RBPJ: variants seen among roughly 807,000 people sequenced by gnomAD.
RBPJ encodes recombination signal binding protein for immunoglobulin kappa J region, also known as recombining binding protein suppressor of hairless.
RBPJ carries 9 observed loss-of-function variants against 67.8 expected under a neutral mutation model. That is an observed-to-expected ratio of 0.13 (90% CI 0.08 to 0.23). The LOEUF is 0.23. RBPJ is among the 10% of genes least tolerant of loss of function. The probability of loss-of-function intolerance (pLI) is 1.00; values close to 1 mark genes in which losing one functional copy is unlikely to be tolerated. For missense variants in RBPJ, 305 were observed against 595.6 expected (o/e 0.51, Z 5.08); for synonymous variants, 198 against 203.3 (o/e 0.97, Z 0.22).
At chr4:26,320,573 G>A (rs1722909169), upstream of RBPJ, 2 of 573,146 alleles carry the variant, frequency 3.5e-6, no homozygotes, top group Non-Finnish European at 6.0e-6. Flanking sequence ...ACCCATTGAG[G>A]AGGTGTTTCA....
At chr4:26,226,789 T>C (rs537528912) in intron 1 of RBPJ, among the ~76,000 whole-genome samples, 3 of 152,318 alleles carry the variant, frequency 2.0e-5, no homozygotes, top group African/African-American at 7.2e-5. Flanking sequence ...AGGGTTACCA[T>C]GGATACCACA....
chr4:26,275,875 C>T (rs1721062316), intron 1 of RBPJ, among the ~76,000 whole-genome samples: 1 of 151,978 alleles, frequency 6.6e-6, no homozygotes, highest in Admixed American at 6.5e-5. Flanking sequence ...CTCTGCCCAC[C>T]TCGGCCTCCC....
At chr4:26,178,326 C>A (rs758500842) in intron 1 of RBPJ, among the ~76,000 whole-genome samples, 1 of 152,202 alleles carries the variant, frequency 6.6e-6, no homozygotes, top group Non-Finnish European at 1.5e-5. Context: ...ATGGAGGGGG[C>A]TCCAGTGCTG....
chr4:26,373,342 G>C (rs1729354472), intron 1 of RBPJ, among the ~76,000 whole-genome samples: 1 of 152,148 alleles, frequency 6.6e-6, no homozygotes, highest in Admixed American at 6.5e-5. Flanking sequence ...TTAGGGGCAG[G>C]CTTCTCTGAA....
chr4:26,237,451 A>G (rs1185077473), intron 1 of RBPJ, among the ~76,000 whole-genome samples: 1 of 152,154 alleles, frequency 6.6e-6, no homozygotes, highest in Non-Finnish European at 1.5e-5. Context: ...TAAAGACTCT[A>G]GGAAGTCCTA....
the RBPJ span, among the ~76,000 whole-genome samples, chr4:26,140,829 T>C: frequency 0.18 from 17,363 of 95,120 alleles, 1,401 homozygotes; most frequent in African/African-American, 0.32. Flanking sequence ...ACACTGACCC[T>C]TCCACAAATA....
At chr4:26,160,682 C>T (rs1050410031), upstream of RBPJ, among the ~76,000 whole-genome samples, 1 of 152,216 alleles carries the variant, frequency 6.6e-6, no homozygotes, top group African/African-American at 2.4e-5. Flanking sequence ...TAGAACAAGA[C>T]TGATTTCCAG....
chr4:26,159,620 C>A (rs1386931074), upstream of RBPJ, among the ~76,000 whole-genome samples: 2 of 152,180 alleles, frequency 1.3e-5, no homozygotes, highest in African/African-American at 4.8e-5. Flanking sequence ...GTGCAGGACA[C>A]CTTAGAACCT....
At chr4:26,305,673 AT>A (rs1405829257) in intron 1 of RBPJ, among the ~76,000 whole-genome samples, 4 of 150,824 alleles carry the variant, frequency 2.7e-5, no homozygotes, top group South Asian at 2.1e-4. Context: ...ATAGAATACA[AT>A]TTTTTTATAT....
intron 1 of RBPJ, among the ~76,000 whole-genome samples, chr4:26,257,413 G>A (rs373780691): frequency 4.6e-5 from 7 of 152,150 alleles, no homozygotes; most frequent in Admixed American, 6.6e-5. Flanking sequence ...GTGGATCACC[G>A]GAAGTTGGAA....
At chr4:26,140,834 C>CAAATAAATAAATAAAT in the RBPJ span, among the ~76,000 whole-genome samples, 14,561 of 138,212 alleles carry the variant, frequency 0.11, 1,071 homozygotes, top group African/African-American at 0.18. Context: ...GACCCTTCCA[C>CAAATAAATAAATAAAT]AAATAAATAA....
chr4:26,245,269 T>C (rs942666014), intron 1 of RBPJ, among the ~76,000 whole-genome samples: 1 of 143,472 alleles, frequency 7.0e-6, no homozygotes, highest in African/African-American at 2.6e-5. Flanking sequence ...AGTCCAGTGG[T>C]GCAATCTCAG....
chr4:26,212,501 A>G (rs933246489), intron 1 of RBPJ, among the ~76,000 whole-genome samples: 5 of 137,956 alleles, frequency 3.6e-5, no homozygotes, highest in African/African-American at 1.4e-4. Context: ...CAGTGGTGCA[A>G]TCTTGGCTCA....
chr4:26,265,793 C>T (rs927469474), intron 1 of RBPJ, among the ~76,000 whole-genome samples: 9 of 152,084 alleles, frequency 5.9e-5, no homozygotes, highest in African/African-American at 2.2e-4. Flanking sequence ...AATCCCAGCA[C>T]TTTGGGAGGC....
chr4:26,174,593 C>T (rs1403748706), intron 1 of RBPJ, among the ~76,000 whole-genome samples: 1 of 152,174 alleles, frequency 6.6e-6, no homozygotes, highest in African/African-American at 2.4e-5. Context: ...CCTCAGCCTC[C>T]TGAGTAGCTG....
intron 1 of RBPJ, among the ~76,000 whole-genome samples, chr4:26,370,202 T>C (rs1345773829): frequency 1.3e-5 from 2 of 152,124 alleles, no homozygotes; most frequent in African/African-American, 4.8e-5. Flanking sequence ...AACCAAAACA[T>C]TGATAAATAA....
chr4:26,221,291 C>T (rs1044357957), intron 1 of RBPJ, among the ~76,000 whole-genome samples: 1 of 152,106 alleles, frequency 6.6e-6, no homozygotes, highest in Non-Finnish European at 1.5e-5. Flanking sequence ...GGGGTTTCAC[C>T]GTGTTAGCCA....
chr4:26,351,855 GT>G, intron 1 of RBPJ, among the ~76,000 whole-genome samples: 1 of 152,184 alleles, frequency 6.6e-6, no homozygotes, highest in Non-Finnish European at 1.5e-5. Context: ...CCCACTGCTA[GT>G]TTCATACAGG....
intron 1 of RBPJ, among the ~76,000 whole-genome samples, chr4:26,242,428 C>G (rs1382174013): frequency 9.7e-5 from 13 of 134,082 alleles, no homozygotes; most frequent in Non-Finnish European, 1.9e-4. Context: ...GCCTGGACAA[C>G]AGAGCGAGAC....
Sources: gnomAD v4.1 joint callset for allele counts (sites outside exome capture counted in the v4.1 genomes callset) on GRCh38, gnomAD v4.1.1 for gene constraint, MANE v1.5 for transcripts, NCBI Gene and HGNC (gene_info 2026-07-23, HGNC 2026-07-21) for gene names.